Variants in NXPH1 observed in about 807,000 individuals in gnomAD.
NXPH1 encodes the protein neurexophilin-1.
NXPH1 carries 5 observed loss-of-function variants against 23.7 expected under a neutral mutation model. The ratio of observed to expected loss-of-function variants is 0.21; its 90% CI spans 0.11 to 0.44. The LOEUF (loss-of-function observed/expected upper bound fraction) is 0.44. Ranked by LOEUF, NXPH1 falls within the 20% of genes least tolerant of loss-of-function variation. The probability of loss-of-function intolerance (pLI) is 0.99; values close to 1 mark genes in which losing one functional copy is unlikely to be tolerated. For missense variants in NXPH1, 324 were observed against 321.6 expected, an observed-to-expected ratio of 1.01 and a Z score of -0.06; for synonymous variants, 144 against 122.2, an observed-to-expected ratio of 1.18 and a Z score of -1.18.
At chr7:8,480,221 C>A (rs186064132) in intron 2 of NXPH1, among the ~76,000 whole-genome samples, 17 of 152,096 alleles carry the variant, frequency 1.1e-4, no homozygotes, top group Non-Finnish European at 1.9e-4. Flanking sequence ...CATATATTTT[C>A]TGTGTGGTTT....
chr7:8,735,152 G>T (rs1429807610), intron 2 of NXPH1, among the ~76,000 whole-genome samples: 2 of 152,064 alleles, frequency 1.3e-5, no homozygotes, highest in East Asian at 1.9e-4. Context: ...TTGCCTGATT[G>T]CCCTGGCCAG....
rs140321830 is a variant in NXPH1, at chr7:8,642,615, A to G, written c.55-108393A>G. Among the ~76,000 whole-genome samples the G allele has an allele frequency of 1.3e-3, 198 of 151,308 alleles. 1 individual carries two copies. Among genetic ancestry groups the G allele is most frequent in the African/African-American group, 4.6e-3 (191 of 41,358 alleles). On this transcript the variant is annotated intron_variant, in intron 2 of 2. Transcript: ENST00000405863. The stretch of plus-strand genomic sequence containing the variant: ...TCTGTCTGGATTTTGTTATTCTAAC[A>G]TTCTAATTTTTTTGTTGATTTTCTT...
At chr7:8,668,872 C>T (rs1244612498) in intron 2 of NXPH1, among the ~76,000 whole-genome samples, 1 of 151,686 alleles carries the variant, frequency 6.6e-6, no homozygotes, top group Non-Finnish European at 1.5e-5. Context: ...ACTCAGGGGT[C>T]TACTGTAGTT....
intron 2 of NXPH1, among the ~76,000 whole-genome samples, chr7:8,643,528 TTGAC>T (rs1264457507): frequency 6.6e-6 from 1 of 152,088 alleles, no homozygotes. Context: ...ATATGACAAT[TTGAC>T]TGATTTATTT....
chr7:8,474,694 TTCAC>T (rs2128608922), intron 2 of NXPH1, among the ~76,000 whole-genome samples: 1 of 152,308 alleles, frequency 6.6e-6, no homozygotes, highest in Admixed American at 6.5e-5. Flanking sequence ...CTCTCAAGGT[TTCAC>T]TCAATCTAGC....
At chr7:8,732,149 C>T (rs183545137) in intron 2 of NXPH1, among the ~76,000 whole-genome samples, 72 of 152,360 alleles carry the variant, frequency 4.7e-4, no homozygotes, top group African/African-American at 1.7e-3. Flanking sequence ...AAAGGGAACT[C>T]CCTGACCCCT....
Position 8,707,920 on chromosome 7 carries a change from TTAAA to T in NXPH1, c.55-43084_55-43081del, listed in dbSNP as rs1779728466. ...CTTTATTTTCATATAGTTTAATTACTTAAATAATGCAGATAAAAGCTTTTTTTTC... is the reference window on the plus strand; with the variant it reads ...CTTTATTTTCATATAGTTTAATTACTTAATGCAGATAAAAGCTTTTTTTTC... On this transcript the variant is annotated intron_variant, in intron 2 of 2. Transcript: ENST00000405863. Among the ~76,000 whole-genome samples, 12 of 152,320 alleles carry T rather than the reference TTAAA, an allele frequency of 7.9e-5. No homozygotes were observed. The South Asian group carries it at 2.3e-3, about 29-fold the overall frequency.
intron 2 of NXPH1, among the ~76,000 whole-genome samples, chr7:8,590,341 C>G (rs1462510982): frequency 1.3e-5 from 2 of 152,034 alleles, no homozygotes; most frequent in Middle Eastern, 6.3e-3. Context: ...TAGCCAAACC[C>G]TAGAGTGATC....
intron 2 of NXPH1, among the ~76,000 whole-genome samples, chr7:8,652,497 T>A (rs561741913): frequency 1.3e-5 from 2 of 152,316 alleles, no homozygotes; most frequent in East Asian, 3.9e-4. Context: ...TTCTATTACA[T>A]GATATAACAA....
At chr7:8,554,066 C>T (rs1329667458) in intron 2 of NXPH1, among the ~76,000 whole-genome samples, 2 of 151,588 alleles carry the variant, frequency 1.3e-5, no homozygotes, top group South Asian at 2.1e-4. Context: ...GTAAGAGGTA[C>T]ACAAACTGAT....
intron 2 of NXPH1, among the ~76,000 whole-genome samples, chr7:8,743,087 G>T (rs1233478388): frequency 6.6e-6 from 1 of 151,952 alleles, no homozygotes; most frequent in Admixed American, 6.6e-5. Flanking sequence ...ATTGAACATA[G>T]GTAACCATAA....
chr7:8,606,181 A>C (rs1031664966), intron 2 of NXPH1, among the ~76,000 whole-genome samples: 1 of 152,112 alleles, frequency 6.6e-6, no homozygotes, highest in Non-Finnish European at 1.5e-5. Context: ...TCTATATATA[A>C]TTTCCTTTAT....
chr7:8,643,833 A>G (rs1583211671), intron 2 of NXPH1, among the ~76,000 whole-genome samples: 1 of 152,116 alleles, frequency 6.6e-6, no homozygotes, highest in Non-Finnish European at 1.5e-5. Flanking sequence ...TTTAAATTCC[A>G]TGTTGCTTAG....
chr7:8,612,470 C>A (rs913022663), intron 2 of NXPH1, among the ~76,000 whole-genome samples: 1 of 151,918 alleles, frequency 6.6e-6, no homozygotes, highest in African/African-American at 2.4e-5. Context: ...ATTTTATAAG[C>A]ATTCCAATGC....
chr7:8,534,438 C>T (rs1817996783), intron 2 of NXPH1, among the ~76,000 whole-genome samples: 5 of 152,114 alleles, frequency 3.3e-5, no homozygotes, highest in Admixed American at 3.3e-4. Context: ...ACATCTTCCA[C>T]ACCAATAATA....
chr7:8,644,911 A>G (rs986396531), intron 2 of NXPH1, among the ~76,000 whole-genome samples: 1 of 152,208 alleles, frequency 6.6e-6, no homozygotes, highest in African/African-American at 2.4e-5. Context: ...TTAGTTTTGC[A>G]TATTTTGTAC....
intron 2 of NXPH1, among the ~76,000 whole-genome samples, chr7:8,447,883 AT>A (rs1460989551): frequency 2.0e-5 from 3 of 152,188 alleles, no homozygotes; most frequent in Admixed American, 6.5e-5. Context: ...GGTGGCTGAT[AT>A]TTTCCCAAAG....
chr7:8,724,190 C>T (rs866128917), intron 2 of NXPH1, among the ~76,000 whole-genome samples: 2 of 152,168 alleles, frequency 1.3e-5, no homozygotes, highest in Non-Finnish European at 2.9e-5. Context: ...GCAGTTACCA[C>T]AAAAGTTCCT....
chr7:8,474,641 C>A (rs980001325), intron 2 of NXPH1, among the ~76,000 whole-genome samples: 2 of 152,062 alleles, frequency 1.3e-5, no homozygotes. Context: ...TGTGAGGATC[C>A]CTATATCATA....
Sources: allele counts gnomAD v4.1 joint callset (sites outside exome capture counted in the v4.1 genomes callset), GRCh38; gene constraint gnomAD v4.1.1; transcripts MANE v1.5; gene names NCBI Gene and HGNC (gene_info 2026-07-23, HGNC 2026-07-21).